Variants in GAS7 observed in about 807,000 individuals in gnomAD.
GAS7 encodes the protein growth arrest-specific protein 7.
In GAS7, 28 loss-of-function variants were observed where a neutral mutation model predicts 71.1. That is an observed-to-expected ratio of 0.39 (90% CI 0.29 to 0.54). The LOEUF is 0.54. Ranked by LOEUF, GAS7 falls within the 20% of genes least tolerant of loss-of-function variation. The pLI, the probability that GAS7 is intolerant of heterozygous loss-of-function variation, is 0.62. For synonymous variants in GAS7, 258 were observed against 245.8 expected (o/e 1.05, Z -0.46); for missense variants, 436 against 627.8 (o/e 0.69, Z 3.27).
intron 6 of GAS7, among the ~76,000 whole-genome samples, chr17:9,944,779 A>G (rs1217089062): frequency 6.6e-6 from 1 of 152,208 alleles, no homozygotes; most frequent in Non-Finnish European, 1.5e-5. Flanking sequence ...CACTCTACGA[A>G]TGCTACATCT....
At chr17:10,021,371 G>A (rs2072261398) in intron 1 of GAS7, among the ~76,000 whole-genome samples, 2 of 152,206 alleles carry the variant, frequency 1.3e-5, no homozygotes, top group Admixed American at 1.3e-4. Flanking sequence ...TGTGAAGGTT[G>A]CAAAACCACG....
chr17:10,116,300 T>G (rs1397596627), intron 1 of GAS7, among the ~76,000 whole-genome samples: 1 of 133,160 alleles, frequency 7.5e-6, no homozygotes, highest in Non-Finnish European at 1.6e-5. Flanking sequence ...GGGGACAGAG[T>G]GAGACTCTTG....
chr17:10,006,679 C>A (rs972011713), intron 2 of GAS7, among the ~76,000 whole-genome samples: 1 of 136,218 alleles, frequency 7.3e-6, no homozygotes, highest in East Asian at 2.0e-4. Context: ...AGAGTGCATG[C>A]GTATTTTTTT....
At chr17:10,004,169 C>A (rs1305211435) in intron 2 of GAS7, among the ~76,000 whole-genome samples, 3 of 152,188 alleles carry the variant, frequency 2.0e-5, no homozygotes, top group African/African-American at 7.2e-5. Context: ...ATATCCACTT[C>A]AGGAAGCATT....
At chr17:9,929,320 G>GTTTTC (rs1263518918) in intron 9 of GAS7, among the ~76,000 whole-genome samples, 1 of 152,064 alleles carries the variant, frequency 6.6e-6, no homozygotes, top group Non-Finnish European at 1.5e-5. Context: ...TGTGGTCTGG[G>GTTTTC]GAAAAGCCCA....
intron 1 of GAS7, among the ~76,000 whole-genome samples, chr17:10,190,673 G>A (rs117793561): frequency 7.2e-4 from 109 of 152,226 alleles, no homozygotes; most frequent in Non-Finnish European, 1.3e-3. Context: ...AAGGTAAGGG[G>A]AGAGATATCA....
chr17:10,078,009 T>G (rs1257588123), intron 1 of GAS7, among the ~76,000 whole-genome samples: 3 of 152,060 alleles, frequency 2.0e-5, no homozygotes, highest in Non-Finnish European at 4.4e-5. Flanking sequence ...TTATTTTATG[T>G]GGTGATAGGT....
chr17:10,156,517 C>G (rs2074206473), intron 1 of GAS7, among the ~76,000 whole-genome samples: 1 of 152,216 alleles, frequency 6.6e-6, no homozygotes, highest in Non-Finnish European at 1.5e-5. Context: ...GGGCTGGTGA[C>G]TCTCCACTTG....
intron 12 of GAS7, among the ~76,000 whole-genome samples, chr17:9,918,818 T>A (rs1480944996): frequency 6.6e-6 from 1 of 152,102 alleles, no homozygotes; most frequent in Non-Finnish European, 1.5e-5. Flanking sequence ...TGCATACAAC[T>A]AGGTCACTGC....
At chr17:10,149,454 G>A (rs558119203) in intron 1 of GAS7, among the ~76,000 whole-genome samples, 17 of 152,228 alleles carry the variant, frequency 1.1e-4, no homozygotes, top group South Asian at 1.0e-3. Context: ...TACTGCAGCC[G>A]AAGAACACAA....
At position 9,919,966 on chromosome 17, in the gene GAS7, A is replaced by AC. The variant is rs1866110866; in HGVS notation, c.1139-262_1139-261insG. ...CCAAGGATTCAGGATGGTGGTTCTC[A>AC]TTTTGTGTGTGTGTGTGTGTGTGTG... On this transcript the variant is annotated intron_variant, in intron 11 of 13. Coordinates refer to ENST00000432992, the MANE Select transcript of GAS7 (RefSeq NM_201433.2). The surrounding 1 kb of genome is among the most constrained non-coding windows in gnomAD (Gnocchi z 5.0). Among the ~76,000 whole-genome samples, 2 of 94,540 alleles carry AC rather than the reference A, an allele frequency of 2.1e-5. No individual in the cohort carries two copies. Among genetic ancestry groups the AC allele is most frequent in the South Asian group, 7.2e-4 (2 of 2,774 alleles). The allele number at this position is 94,540 out of a possible 152,430, so 62.0% of individuals were successfully genotyped here.
intron 3 of GAS7, among the ~76,000 whole-genome samples, chr17:9,973,017 A>G (rs2070030137): frequency 6.6e-6 from 1 of 152,220 alleles, no homozygotes; most frequent in Non-Finnish European, 1.5e-5. Context: ...TGGGGAAAAA[A>G]TTTTAAAGGC....
intron 6 of GAS7, among the ~76,000 whole-genome samples, chr17:9,944,636 C>T (rs1162549541): frequency 6.6e-6 from 1 of 152,190 alleles, no homozygotes; most frequent in African/African-American, 2.4e-5. Context: ...ACCCCTCCCT[C>T]GGGTGCCATA....
intron 1 of GAS7, among the ~76,000 whole-genome samples, chr17:10,041,757 AATAG>A (rs1169060617): frequency 1.3e-5 from 2 of 152,026 alleles, no homozygotes; most frequent in Non-Finnish European, 1.5e-5. Flanking sequence ...GGCCTCTGCA[AATAG>A]ATAGGTTGCT....
In GAS7 at chr17:10,183,157, C is replaced by G. The variant is rs185665765; in HGVS notation, c.183+15051G>C. Among the ~76,000 whole-genome samples, 3 of 152,062 alleles carry G rather than the reference C, an allele frequency of 2.0e-5. No homozygotes were observed. The East Asian group carries it at 5.8e-4, about 29-fold the overall frequency. On this transcript the variant is annotated intron_variant, in intron 1 of 13. Coordinates refer to ENST00000432992, the MANE Select transcript of GAS7 (RefSeq NM_201433.2). ...AAATGCTATACCATCTTGTATGCAA[C>G]TCCCCAAGTGTTATCCCAATACCAG... is the stretch of plus-strand genomic sequence containing the variant.
intron 1 of GAS7, among the ~76,000 whole-genome samples, chr17:10,093,682 T>C (rs922801300): frequency 2.0e-5 from 3 of 152,136 alleles, no homozygotes; most frequent in Non-Finnish European, 4.4e-5. Context: ...GAACAGTTGT[T>C]ATGCGGGGAA....
chr17:9,974,138 G>A lies in GAS7; in HGVS notation c.386-4376C>T, dbSNP rs1001529499. 6.6e-6 allele frequency among the ~76,000 whole-genome samples: 1 copy of A among 152,152 alleles called. No individual in the cohort carries two copies. Among genetic ancestry groups the A allele is most frequent in the Non-Finnish European group, 1.5e-5 (1 of 68,024 alleles). On this transcript the variant is annotated intron_variant, in intron 3 of 13. Transcript: ENST00000432992. The surrounding 1 kb of genome is among the most constrained non-coding windows in gnomAD (Gnocchi z 4.0). ...CTTCAGTTCTGGTCTGTCAGCTGAT[G>A]GCTAATTACTGCTCATGTCAAAACA...
chr17:10,017,402 C>T (rs2072080742), intron 2 of GAS7, among the ~76,000 whole-genome samples: 1 of 151,506 alleles, frequency 6.6e-6, no homozygotes. Flanking sequence ...GATCTCGGCT[C>T]ACTGCAACTT....
intron 1 of GAS7, among the ~76,000 whole-genome samples, chr17:10,167,079 CAG>C (rs1419496021): frequency 1.8e-5 from 1 of 56,968 alleles, no homozygotes; most frequent in Non-Finnish European, 2.9e-5. Context: ...TTTTTTGAGA[CAG>C]AGTTTCACTC....
Sources: allele counts gnomAD v4.1 joint callset (sites outside exome capture counted in the v4.1 genomes callset), GRCh38; gene constraint gnomAD v4.1.1; non-coding constraint Gnocchi (gnomAD v3.1); transcripts MANE v1.5; gene names NCBI Gene and HGNC (gene_info 2026-07-23, HGNC 2026-07-21).